The following SERPING1 variants were observed in gnomAD, a reference collection of about 807,000 sequenced individuals.
SERPING1 encodes the protein plasma protease C1 inhibitor.
In SERPING1, 5 loss-of-function variants were observed where a neutral mutation model predicts 34.1. The ratio of observed to expected loss-of-function variants is 0.15; its 90% confidence interval spans 0.08 to 0.31. The LOEUF (loss-of-function observed/expected upper bound fraction) is 0.31. Ranked by LOEUF, SERPING1 falls within the 10% of genes least tolerant of loss-of-function variation. The probability of loss-of-function intolerance (pLI) is 1.00; values close to 1 mark genes in which losing one functional copy is unlikely to be tolerated. For synonymous variants in SERPING1, 225 were observed against 242.4 expected (o/e 0.93, Z 0.67); for missense variants, 505 against 609.5 (o/e 0.83, Z 1.81).
chr11:57,607,407 T>C (rs1388422516), intron 6 of SERPING1, among the ~76,000 whole-genome samples: 1 of 152,212 alleles, frequency 6.6e-6, no homozygotes, highest in Non-Finnish European at 1.5e-5. Flanking sequence ...TCCTGTTTTA[T>C]TATATTCATT....
chr11:57,606,271 C>T (rs950420785), intron 5 of SERPING1, 58 bp downstream of exon 5: 4 of 1,605,514 alleles, frequency 2.5e-6, no homozygotes, highest in Non-Finnish European at 2.6e-6. Flanking sequence ...CCCCTCCTGG[C>T]TTCAAAGCCC....
Position 57,613,790 on chromosome 11 carries a change from T to C in SERPING1, c.1250-538T>C, listed in dbSNP as rs10896631. 0.21 allele frequency among the ~76,000 whole-genome samples: 32,196 copies of C among 151,892 alleles called. 3,923 individuals carry two copies. The highest frequency in any genetic ancestry group is 0.27 in the Non-Finnish European group (18,605 of 67,908). On this transcript the variant is annotated intron_variant, in intron 7 of 7. Transcript: ENST00000278407. Reference sequence around the variant, plus strand: ...CAAGCTTCTAATCACACTTGGTCTTTCTGGTGACCAGCCCCAATCCAGGAG... The same window carrying C: ...CAAGCTTCTAATCACACTTGGTCTTCCTGGTGACCAGCCCCAATCCAGGAG...
chr11:57,602,785 A>AAG (rs1194030939), intron 4 of SERPING1, among the ~76,000 whole-genome samples: 1 of 92,532 alleles, frequency 1.1e-5, no homozygotes, highest in Non-Finnish European at 2.8e-5. Context: ...AACAAAAACA[A>AAG]AAAAAAAAAC....
At chr11:57,601,004 G>T (rs1390565657) in intron 3 of SERPING1, among the ~76,000 whole-genome samples, 1 of 151,742 alleles carries the variant, frequency 6.6e-6, no homozygotes, top group Non-Finnish European at 1.5e-5. Context: ...GGTTAGTACT[G>T]CCTTCTAGCT....
chr11:57,610,898 C>A (rs945807504), intron 6 of SERPING1, among the ~76,000 whole-genome samples: 1 of 152,130 alleles, frequency 6.6e-6, no homozygotes, highest in African/African-American at 2.4e-5. Flanking sequence ...GCACTTCTTA[C>A]ATACTTTTGT....
chr11:57,600,357 T>A lies in SERPING1; in HGVS notation c.530T>A (p.Leu177His). 1 of 1,612,470 alleles carries A rather than the reference T, an allele frequency of 6.2e-7. No homozygotes were observed. The highest frequency in any genetic ancestry group is 8.5e-7 in the Non-Finnish European group (1 of 1,180,022). The change falls in exon 3 of 8, where the codon CTC becomes CAC. Residue 177 changes from leucine to histidine, a missense_variant. By Grantham distance (99) the Leu-to-His change is moderately conservative. Coordinates refer to ENST00000278407, the MANE Select transcript of SERPING1 (RefSeq NM_000062.3). ...TTTTCCCCATTCAGCATCGCCAGCC[T>A]CCTTACCCAGGTCCTGCTCGGTAAG... ...MAFSPFSIAS[L>H]LTQVLLGAGE...
At chr11:57,610,460 C>T (rs1410653646) in intron 6 of SERPING1, among the ~76,000 whole-genome samples, 1 of 152,148 alleles carries the variant, frequency 6.6e-6, no homozygotes, top group East Asian at 1.9e-4. Context: ...AACAGGGACC[C>T]CATGTCCACT....
In SERPING1 at chr11:57,606,562, T is replaced by C. The variant is rs376172001; in HGVS notation, c.1029+15T>C. 12 of 1,613,802 alleles carry C rather than the reference T, an allele frequency of 7.4e-6. No individual in the cohort carries two copies. Among genetic ancestry groups the C allele is most frequent in the South Asian group, 1.1e-5 (1 of 91,076 alleles). On this transcript the variant is annotated intron_variant, in intron 6 of 7. Coordinates refer to ENST00000278407, the MANE Select transcript of SERPING1 (RefSeq NM_000062.3). ...TGAAAGCCAAGGTAAGTTCTTAACCTTTCCTTCTCCTGTTTGAAACCTACT... is the reference window on the plus strand; with the variant it reads ...TGAAAGCCAAGGTAAGTTCTTAACCCTTCCTTCTCCTGTTTGAAACCTACT...
chr11:57,598,206 C>T, intron 1 of SERPING1, 43 bp from the exon 2 acceptor site: 1 of 1,497,092 alleles, frequency 6.7e-7, no homozygotes, highest in Admixed American at 2.1e-5. Flanking sequence ...GGCCCCTGGG[C>T]TCCCAGGGTG....
At chr11:57,601,846 ACT>A (rs1945350291) in intron 3 of SERPING1, among the ~76,000 whole-genome samples, 187 bp from the exon 4 acceptor site, 1 of 130,276 alleles carries the variant, frequency 7.7e-6, no homozygotes, top group African/African-American at 3.0e-5. Context: ...ACAAAGCAAG[ACT>A]CTGTCTCAAA....
chr11:57,601,382 A>G (rs1945345706), intron 3 of SERPING1, among the ~76,000 whole-genome samples: 1 of 137,056 alleles, frequency 7.3e-6, no homozygotes, highest in Non-Finnish European at 1.5e-5. Context: ...GCCTGGGAAG[A>G]CTGAGCAAGA....
At position 57,602,025 on chromosome 11, in the gene SERPING1, T is replaced by C. The variant is rs373733903; in HGVS notation, c.551-10T>C. The C allele has an allele frequency of 6.2e-7, 1 of 1,614,180 alleles. No individual in the cohort carries two copies. ...CTGCAAGTATCTTTCATCTCTGCCCTTTGTTGCAGGGGCTGGGGAGAACAC... is the reference window on the plus strand; with the variant it reads ...CTGCAAGTATCTTTCATCTCTGCCCCTTGTTGCAGGGGCTGGGGAGAACAC... On this transcript the variant is annotated splice_polypyrimidine_tract_variant and intron_variant, in intron 3 of 7. Transcript: ENST00000278407.
chr11:57,598,228 C>G (rs1290458878), intron 1 of SERPING1, 21 bp from the exon 2 acceptor site: 3 of 1,535,532 alleles, frequency 2.0e-6, no homozygotes, highest in South Asian at 1.2e-5. Context: ...GAGCTGGCTC[C>G]GAGGCTGGCT....
chr11:57,611,854 C>T lies in SERPING1; in HGVS notation c.1167C>T (p.Ser389=). The T allele has an allele frequency of 6.2e-7, 1 of 1,614,138 alleles. No individual in the cohort carries two copies. The highest frequency in any genetic ancestry group is 8.5e-7 in the Non-Finnish European group (1 of 1,180,012). The change falls in exon 7 of 8, where the codon TCC becomes TCT. Residue 389 remains serine, a synonymous_variant. Coordinates refer to ENST00000278407, the MANE Select transcript of SERPING1 (RefSeq NM_000062.3). The part of the protein sequence containing the change: ...FKAIMEKLEM[S]KFQPTLLTLP... ...CCATCATGGAGAAACTGGAGATGTCCAAGTTCCAGCCCACTCTCCTAACAC... is the reference window on the plus strand; with the variant it reads ...CCATCATGGAGAAACTGGAGATGTCTAAGTTCCAGCCCACTCTCCTAACAC...
chr11:57,607,488 A>G (rs1487021852), intron 6 of SERPING1, among the ~76,000 whole-genome samples: 2 of 152,146 alleles, frequency 1.3e-5, no homozygotes, highest in Non-Finnish European at 2.9e-5. Context: ...TCTCCCTAAG[A>G]TACTGTCTCT....
chr11:57,605,329 C>T (rs747495013), intron 4 of SERPING1, among the ~76,000 whole-genome samples: 94 of 151,180 alleles, frequency 6.2e-4, no homozygotes, highest in Non-Finnish European at 1.1e-3. Context: ...GACAGAATCT[C>T]GCTCTGTCGC....
chr11:57,611,675 A>T (rs192987357), intron 6 of SERPING1, 42 bp from the exon 7 acceptor site: 1 of 1,565,150 alleles, frequency 6.4e-7, no homozygotes, highest in East Asian at 2.2e-5. Context: ...CAGGAGAGAG[A>T]TGCGGTAGGA....
intron 3 of SERPING1, among the ~76,000 whole-genome samples, 180 bp from the exon 4 acceptor site, chr11:57,601,855 C>CAAAA (rs5792050): frequency 1.7e-5 from 1 of 57,790 alleles, no homozygotes; most frequent in African/African-American, 6.8e-5. Context: ...GACTCTGTCT[C>CAAAA]AAAAAAAAAA....
intron 4 of SERPING1, among the ~76,000 whole-genome samples, chr11:57,605,199 A>G (rs1049066028): frequency 3.3e-5 from 5 of 152,134 alleles, no homozygotes; most frequent in African/African-American, 9.7e-5. Context: ...ACAGCATTCA[A>G]TATTAGGGCT....
Sources: gnomAD v4.1 joint callset for allele counts (sites outside exome capture counted in the v4.1 genomes callset) on GRCh38, gnomAD v4.1.1 for gene constraint, MANE v1.5 for transcripts, NCBI Gene and HGNC (gene_info 2026-07-23, HGNC 2026-07-21) for gene names.